Variants in EPHB1 observed in about 807,000 individuals in gnomAD.
EPHB1 encodes the protein EPH receptor B1.
A neutral mutation model predicts 94.4 loss-of-function variants in EPHB1; 30 were observed. The ratio of observed to expected loss-of-function variants is 0.32; its 90% CI spans 0.24 to 0.43. The LOEUF is 0.43. Ranked by LOEUF, EPHB1 falls within the 20% of genes least tolerant of loss-of-function variation. The probability of loss-of-function intolerance (pLI) is 1.00; values close to 1 mark genes in which losing one functional copy is unlikely to be tolerated. For synonymous variants in EPHB1, 522 were observed against 489.1 expected (o/e 1.07, Z -0.89); for missense variants, 1,055 against 1,308.3 (o/e 0.81, Z 2.99).
At chr3:135,019,305 T>A (rs1935911333) in intron 3 of EPHB1, among the ~76,000 whole-genome samples, 1 of 152,046 alleles carries the variant, frequency 6.6e-6, no homozygotes, top group Non-Finnish European at 1.5e-5. Flanking sequence ...TCCCTTAGGC[T>A]GGTCAAGCAG....
At chr3:135,053,023 GTGTGTATA>G (rs1208044185) in intron 3 of EPHB1, among the ~76,000 whole-genome samples, 11 of 68,560 alleles carry the variant, frequency 1.6e-4, no homozygotes, top group Non-Finnish European at 1.9e-4. Context: ...ATGTGTGTGT[GTGTGTATA>G]TATATATATA....
chr3:134,928,268 G>T (rs147031161), intron 2 of EPHB1, among the ~76,000 whole-genome samples: 1 of 152,122 alleles, frequency 6.6e-6, no homozygotes, highest in Non-Finnish European at 1.5e-5. Flanking sequence ...TCAGGGATAC[G>T]CTCTCTGCAT....
intron 11 of EPHB1, among the ~76,000 whole-genome samples, chr3:135,197,514 G>A (rs1406184908): frequency 6.6e-6 from 1 of 152,166 alleles, no homozygotes; most frequent in Non-Finnish European, 1.5e-5. Context: ...GAGCTTGAAA[G>A]GTCCCTTTCA....
rs369180971 is a variant in EPHB1 at position 134,816,224 on chromosome 3, A to G, written c.58+20535A>G. The stretch of plus-strand genomic sequence containing the variant: ...CAGCCTCCCGAGTAGCTGGGATTAT[A>G]GGCACACACCACCACAGCCAGCTAA... On this transcript the variant is annotated intron_variant, in intron 1 of 15. Transcript: ENST00000398015. 1.3e-4 allele frequency among the ~76,000 whole-genome samples: 20 copies of G among 151,674 alleles called. No homozygotes were observed. The East Asian group carries it at 3.9e-3, about 29-fold the overall frequency.
chr3:135,115,424 C>G (rs532130932), intron 4 of EPHB1, among the ~76,000 whole-genome samples: 16 of 152,328 alleles, frequency 1.1e-4, no homozygotes, highest in Admixed American at 4.6e-4. Context: ...TGTGCGTCCT[C>G]TGTCCTCTGC....
intron 12 of EPHB1, among the ~76,000 whole-genome samples, chr3:135,213,101 C>T (rs1943068753): frequency 4.6e-5 from 7 of 152,186 alleles, no homozygotes; most frequent in Admixed American, 3.9e-4. Context: ...GTTTTTCCTA[C>T]CAGGTCCTCA....
At chr3:134,909,115 C>CGG (rs1250648426) in intron 1 of EPHB1, among the ~76,000 whole-genome samples, 1 of 92,782 alleles carries the variant, frequency 1.1e-5, no homozygotes, top group East Asian at 3.0e-4. Context: ...AAGGTGGGGG[C>CGG]GGGGGGCGGG....
chr3:135,243,359 C>T (rs1559888530), intron 13 of EPHB1, among the ~76,000 whole-genome samples: 1 of 152,094 alleles, frequency 6.6e-6, no homozygotes, highest in African/African-American at 2.4e-5. Flanking sequence ...TTTTACAGTC[C>T]GGTGGCATAA....
intron 3 of EPHB1, among the ~76,000 whole-genome samples, chr3:134,965,310 A>G (rs115058215): frequency 0.021 from 3,247 of 152,324 alleles, 53 homozygotes; most frequent in Non-Finnish European, 0.031. Flanking sequence ...ATACCTGATG[A>G]GAGTGACTGC....
chr3:134,840,888 C>G (rs959829973), intron 1 of EPHB1, among the ~76,000 whole-genome samples: 27 of 152,184 alleles, frequency 1.8e-4, no homozygotes, highest in African/African-American at 6.3e-4. Context: ...AGTGACCTGG[C>G]TGCGATAACC....
intron 1 of EPHB1, among the ~76,000 whole-genome samples, chr3:134,871,509 G>A (rs1448400755): frequency 6.6e-6 from 1 of 152,028 alleles, no homozygotes; most frequent in East Asian, 1.9e-4. Flanking sequence ...GTAGATGTGA[G>A]GTTGTTGTTC....
intron 3 of EPHB1, among the ~76,000 whole-genome samples, chr3:135,061,368 A>ACCCCCC (rs34282243): frequency 9.0e-6 from 1 of 111,372 alleles, no homozygotes; most frequent in Non-Finnish European, 1.9e-5. Flanking sequence ...AGGAATGACC[A>ACCCCCC]CCCCCCCCGA....
intron 12 of EPHB1, among the ~76,000 whole-genome samples, chr3:135,203,589 A>G (rs972258085): frequency 6.6e-6 from 1 of 152,210 alleles, no homozygotes; most frequent in Non-Finnish European, 1.5e-5. Flanking sequence ...TTAAAAAGTT[A>G]TAAATATCAT....
intron 3 of EPHB1, among the ~76,000 whole-genome samples, chr3:134,983,824 G>A (rs1934500817): frequency 6.6e-6 from 1 of 152,226 alleles, no homozygotes; most frequent in South Asian, 2.1e-4. Flanking sequence ...ATAGACAGGT[G>A]GTTGATGGAA....
At chr3:134,859,355 C>T (rs2037194717) in intron 1 of EPHB1, among the ~76,000 whole-genome samples, 2 of 152,160 alleles carry the variant, frequency 1.3e-5, no homozygotes, top group South Asian at 4.1e-4. Flanking sequence ...GGGCAGCAGC[C>T]CTCACCCCCA....
chr3:135,035,775 C>T (rs1936623428), intron 3 of EPHB1, among the ~76,000 whole-genome samples: 1 of 152,182 alleles, frequency 6.6e-6, no homozygotes. Flanking sequence ...TAGTCATATA[C>T]CATTCCATAG....
chr3:134,997,600 T>C (rs1297272110), intron 3 of EPHB1, among the ~76,000 whole-genome samples: 2 of 152,244 alleles, frequency 1.3e-5, no homozygotes, highest in Non-Finnish European at 2.9e-5. Flanking sequence ...GCTTCAGTAC[T>C]ACTCTTTCCT....
chr3:134,976,351 A>T (rs1934192604), intron 3 of EPHB1, among the ~76,000 whole-genome samples: 5 of 152,210 alleles, frequency 3.3e-5, no homozygotes, highest in Admixed American at 3.3e-4. Flanking sequence ...ATGCAGGAGA[A>T]CAGCTCCTCA....
intron 1 of EPHB1, among the ~76,000 whole-genome samples, chr3:134,834,403 C>G (rs6801877): frequency 0.16 from 24,142 of 152,074 alleles, 2,580 homozygotes; most frequent in African/African-American, 0.3. Flanking sequence ...TGTTACCCCT[C>G]ACACAAAACA....
Sources: allele counts gnomAD v4.1 joint callset (sites outside exome capture counted in the v4.1 genomes callset), GRCh38; gene constraint gnomAD v4.1.1; transcripts MANE v1.5; gene names NCBI Gene and HGNC (gene_info 2026-07-23, HGNC 2026-07-21).